Variants in SV2C observed in about 807,000 individuals in gnomAD.
The protein encoded by SV2C is synaptic vesicle glycoprotein 2C, also known as solute carrier family 22 member B3.
SV2C carries 49 observed loss-of-function variants against 79.7 expected under a neutral mutation model. The observed-to-expected ratio is 0.61, with a 90% confidence interval of 0.49 to 0.78. SV2C has a LOEUF of 0.78. Among genes scored for constraint, SV2C ranks in the 30% least tolerant of loss-of-function variants. The pLI, the probability that SV2C is intolerant of heterozygous loss-of-function variation, is 0.00. For missense variants in SV2C, 833 were observed against 912.9 expected, an observed-to-expected ratio of 0.91 and a Z score of 1.13; for synonymous variants, 334 against 333.2, an observed-to-expected ratio of 1.00 and a Z score of -0.03.
At chr5:75,912,701 T>G in the SV2C span, among the ~76,000 whole-genome samples, 2 of 152,172 alleles carry the variant, frequency 1.3e-5, no homozygotes, top group Non-Finnish European at 2.9e-5. Context: ...ATGAAAACTC[T>G]GGAAAGCCCT....
chr5:76,132,064 G>A lies in SV2C; in HGVS notation c.314G>A (p.Ser105Asn). 6.2e-7 allele frequency: 1 copy of A among 1,612,160 alleles called. No individual in the cohort carries two copies. The highest frequency in any genetic ancestry group is 8.5e-7 in the Non-Finnish European group (1 of 1,178,744). The change falls in exon 2 of 13, where the codon AGC (serine) becomes AAC (asparagine). Residue 105 changes from serine to asparagine, a missense_variant. Coordinates refer to ENST00000502798, the MANE Select transcript of SV2C (RefSeq NM_014979.4). ...CCCAGTATGAACCAAGCGAAGGACAGCATCGTGTCAGTGGGGCAGCCCAAG... is the reference window on the plus strand; with the variant it reads ...CCCAGTATGAACCAAGCGAAGGACAACATCGTGTCAGTGGGGCAGCCCAAG... ...GIPSMNQAKD[S>N]IVSVGQPKGD...
At chr5:76,253,261 T>C (rs149778716) in intron 4 of SV2C, among the ~76,000 whole-genome samples, 25 of 152,274 alleles carry the variant, frequency 1.6e-4, no homozygotes, top group African/African-American at 5.3e-4. Context: ...AAATCTCCTT[T>C]TGTGGGTTGA....
At chr5:75,903,856 A>G in the SV2C span, among the ~76,000 whole-genome samples, 1 of 152,246 alleles carries the variant, frequency 6.6e-6, no homozygotes, top group Non-Finnish European at 1.5e-5. Context: ...ATTACATATT[A>G]TTCTCATGGC....
At chr5:76,266,429 A>G (rs1219863303) in intron 4 of SV2C, among the ~76,000 whole-genome samples, 2 of 152,110 alleles carry the variant, frequency 1.3e-5, no homozygotes, top group East Asian at 3.9e-4. Flanking sequence ...GCTGGTCTCA[A>G]ACTCCTGACC....
chr5:75,943,723 C>G, the SV2C span, among the ~76,000 whole-genome samples: 1 of 152,274 alleles, frequency 6.6e-6, no homozygotes, highest in East Asian at 1.9e-4. Flanking sequence ...CAAGTGAGGT[C>G]TAGACAGTCT....
chr5:76,154,869 AG>A (rs1321467963), intron 2 of SV2C, among the ~76,000 whole-genome samples: 1 of 152,152 alleles, frequency 6.6e-6, no homozygotes, highest in Non-Finnish European at 1.5e-5. Flanking sequence ...TTTTCCAAAG[AG>A]GGTTTTGGGA....
At chr5:76,223,569 A>G (rs1208922158) in intron 4 of SV2C, among the ~76,000 whole-genome samples, 2 of 148,864 alleles carry the variant, frequency 1.3e-5, no homozygotes, top group Non-Finnish European at 3.0e-5. Context: ...CCCACATTTG[A>G]TAAATCCTGA....
chr5:76,150,633 T>TC, intron 2 of SV2C, among the ~76,000 whole-genome samples: 1 of 114,858 alleles, frequency 8.7e-6, no homozygotes, highest in Non-Finnish European at 1.8e-5. Flanking sequence ...ATTCTTTTTT[T>TC]TTTTTTTTTT....
the SV2C span, among the ~76,000 whole-genome samples, chr5:75,884,620 A>C: frequency 6.6e-6 from 1 of 152,108 alleles, no homozygotes; most frequent in Non-Finnish European, 1.5e-5. Flanking sequence ...GATGAACTTA[A>C]AAAACATATT....
intron 4 of SV2C, among the ~76,000 whole-genome samples, chr5:76,211,436 G>C (rs1744764045): frequency 6.6e-6 from 1 of 151,272 alleles, no homozygotes; most frequent in Non-Finnish European, 1.5e-5. Flanking sequence ...CAATATATCA[G>C]GAAAGGGGAG....
At chr5:76,350,493 C>T (rs1437917760) in intron 12 of SV2C, among the ~76,000 whole-genome samples, 1 of 152,188 alleles carries the variant, frequency 6.6e-6, no homozygotes, top group African/African-American at 2.4e-5. Context: ...GTGTGAAATC[C>T]TTTGTTCAGT....
the SV2C span, among the ~76,000 whole-genome samples, chr5:75,981,827 G>A: frequency 1.3e-5 from 2 of 152,018 alleles, no homozygotes; most frequent in Non-Finnish European, 2.9e-5. Context: ...TCATGACGAA[G>A]ATTCCAAAAG....
chr5:75,903,532 C>T, the SV2C span, among the ~76,000 whole-genome samples: 2 of 152,076 alleles, frequency 1.3e-5, no homozygotes, highest in Non-Finnish European at 1.5e-5. Flanking sequence ...TCTTTCATTC[C>T]ACTGCAGTAC....
chr5:75,940,728 C>T, the SV2C span, among the ~76,000 whole-genome samples: 2 of 152,160 alleles, frequency 1.3e-5, no homozygotes, highest in East Asian at 1.9e-4. Flanking sequence ...ACAGTAGTTA[C>T]AACACTGTTT....
At chr5:76,048,999 G>GAAAGAAAGAA in the SV2C span, among the ~76,000 whole-genome samples, 1 of 86,308 alleles carries the variant, frequency 1.2e-5, no homozygotes, top group Non-Finnish European at 2.3e-5. Context: ...AAGAAAGAAA[G>GAAAGAAAGAA]AAAGAAAGAA....
At chr5:75,890,613 T>G in the SV2C span, among the ~76,000 whole-genome samples, 11 of 152,046 alleles carry the variant, frequency 7.2e-5, no homozygotes, top group African/African-American at 2.4e-4. Flanking sequence ...GAGGAGGACA[T>G]TTATGCATTT....
intron 2 of SV2C, among the ~76,000 whole-genome samples, chr5:76,143,865 T>G (rs74762433): frequency 0.017 from 2,549 of 152,328 alleles, 79 homozygotes; most frequent in African/African-American, 0.058. Context: ...TTCTTGGAGT[T>G]GTAGAGCTTA....
intron 1 of SV2C, among the ~76,000 whole-genome samples, chr5:76,106,113 G>T (rs532465693): frequency 1.3e-5 from 2 of 152,126 alleles, no homozygotes; most frequent in South Asian, 4.2e-4. Context: ...TGCCTTCTCT[G>T]CACCTGCCCC....
At chr5:76,100,213 T>C (rs560154099) in intron 1 of SV2C, among the ~76,000 whole-genome samples, 8 of 152,226 alleles carry the variant, frequency 5.3e-5, no homozygotes, top group Non-Finnish European at 1.0e-4. Context: ...CTTATTTGCT[T>C]ATTAGCTCAT....
Sources: allele counts gnomAD v4.1 joint callset (sites outside exome capture counted in the v4.1 genomes callset), GRCh38; gene constraint gnomAD v4.1.1; transcripts MANE v1.5; gene names NCBI Gene and HGNC (gene_info 2026-07-23, HGNC 2026-07-21).